TPST2: variants seen among roughly 807,000 people sequenced by gnomAD.
TPST2 encodes protein-tyrosine sulfotransferase 2.
In TPST2, 16 loss-of-function variants were observed where a neutral mutation model predicts 27.8. The observed-to-expected ratio is 0.58, with a 90% CI of 0.39 to 0.88. The LOEUF (loss-of-function observed/expected upper bound fraction) is 0.88, where lower values mean the gene tolerates loss of function less well. Among genes scored for constraint, TPST2 ranks in the 40% least tolerant of loss-of-function variants. The pLI is 0.00. For synonymous variants in TPST2, 229 were observed against 231.7 expected (o/e 0.99, Z 0.10); for missense variants, 464 against 543.1 (o/e 0.85, Z 1.45).
At chr22:26,534,936 G>A (rs1925366856) in intron 4 of TPST2, among the ~76,000 whole-genome samples, 1 of 152,122 alleles carries the variant, frequency 6.6e-6, no homozygotes, top group Non-Finnish European at 1.5e-5. Flanking sequence ...AATGTCGGCT[G>A]GTATGTACGT....
rs764321414 is a variant in TPST2 at position 26,541,354 on chromosome 22, C to T, written c.277G>A (p.Glu93Lys). 9 of 1,552,274 alleles carry T rather than the reference C, an allele frequency of 5.8e-6. No homozygotes were observed. Among genetic ancestry groups the T allele is most frequent in the Admixed American group, 1.9e-5 (1 of 53,060 alleles). Residue 93 changes from glutamate to lysine, a missense_variant, in exon 3 of 7, where the codon GAG becomes AAG. Physicochemically the swap from Glu to Lys is moderately conservative, Grantham distance 56. Coordinates refer to ENST00000338754, the MANE Select transcript of TPST2 (RefSeq NM_003595.5). The surrounding 1 kb of genome is among the most constrained non-coding windows in gnomAD (Gnocchi z 5.9). ...LMRAMLDAHP[E>K]VRCGEETRII... Reference sequence around the variant, plus strand: ...CGGGTCTCCTCGCCGCAGCGCACCTCGGGGTGCGCGTCCAGCATGGCGCGC... The same window carrying T: ...CGGGTCTCCTCGCCGCAGCGCACCTTGGGGTGCGCGTCCAGCATGGCGCGC...
intron 1 of TPST2, among the ~76,000 whole-genome samples, chr22:26,550,086 G>A (rs1032368553): frequency 6.6e-6 from 1 of 151,896 alleles, no homozygotes; most frequent in South Asian, 2.1e-4. Flanking sequence ...GACCATGGGA[G>A]GAAACTTTGC....
At chr22:26,543,191 T>C (rs1925955016) in intron 2 of TPST2, 3 of 152,190 alleles carry the variant, frequency 2.0e-5, no homozygotes, top group African/African-American at 4.8e-5. Flanking sequence ...TCTCTGTGCA[T>C]TGGATAATTT....
chr22:26,587,036 T>G (rs1016785251), intron 1 of TPST2, among the ~76,000 whole-genome samples: 1 of 152,118 alleles, frequency 6.6e-6, no homozygotes, highest in Non-Finnish European at 1.5e-5. Flanking sequence ...GCAACTCACA[T>G]AGGACACTCC....
chr22:26,539,510 C>A (rs1417208664), intron 3 of TPST2, among the ~76,000 whole-genome samples: 1 of 151,778 alleles, frequency 6.6e-6, no homozygotes. Flanking sequence ...GGCCTGTAAT[C>A]CCAGCACTTT....
rs372957086 is a variant in TPST2, at chr22:26,532,765, A to G, written c.1042-20T>C. 116 of 1,610,790 alleles carry G rather than the reference A, an allele frequency of 7.2e-5. No individual in the cohort carries two copies. Among genetic ancestry groups the G allele is most frequent in the Non-Finnish European group, 9.4e-5 (111 of 1,178,736 alleles). On this transcript the variant is annotated intron_variant, in intron 4 of 6. Coordinates refer to ENST00000338754, the MANE Select transcript of TPST2 (RefSeq NM_003595.5). ...CAAGACCTAAGGAAGAGAAAAAGAA[A>G]TATCACTATTATGAAAATGGCCAAA...
intron 1 of TPST2, among the ~76,000 whole-genome samples, chr22:26,570,108 T>C: frequency 6.6e-6 from 1 of 151,800 alleles, no homozygotes; most frequent in Admixed American, 6.6e-5. Context: ...AAAAAATTAA[T>C]TAATCACACT....
chr22:26,569,648 T>TA (rs1034169365), intron 1 of TPST2, among the ~76,000 whole-genome samples: 12 of 136,076 alleles, frequency 8.8e-5, no homozygotes, highest in East Asian at 2.2e-4. Flanking sequence ...CTTTGTCTCC[T>TA]AAAAAAAAAG....
chr22:26,528,414 G>GCGT, intron 5 of TPST2, 152 bp from the exon 6 acceptor site: 1 of 1,028,742 alleles, frequency 9.7e-7, no homozygotes, highest in South Asian at 1.5e-5. Context: ...TGCTGGGATA[G>GCGT]CGTGGTGAGC....
In TPST2 at chr22:26,541,951, G is replaced by A. The variant is rs1457845743; in HGVS notation, c.-88-233C>T. ...TTCCCAGGCTGCTCTTGAACTCGTG[G>A]GCCTGGGTGATCCTCCTACCTGTCT... is the stretch of plus-strand genomic sequence containing the variant. On this transcript the variant is annotated intron_variant, in intron 2 of 6. Coordinates refer to ENST00000338754, the MANE Select transcript of TPST2 (RefSeq NM_003595.5). The surrounding 1 kb of genome is among the most constrained non-coding windows in gnomAD (Gnocchi z 5.9). Among the ~76,000 whole-genome samples, 1 of 151,948 alleles carries A rather than the reference G, an allele frequency of 6.6e-6. No individual in the cohort carries two copies. The highest frequency in any genetic ancestry group is 1.5e-5 in the Non-Finnish European group (1 of 67,964).
chr22:26,563,833 G>T (rs537434070), intron 1 of TPST2, among the ~76,000 whole-genome samples: 1 of 152,316 alleles, frequency 6.6e-6, no homozygotes, highest in East Asian at 1.9e-4. Context: ...GGCCACCTGG[G>T]AGGCTGCTAG....
At chr22:26,581,391 C>T (rs1160327069) in intron 1 of TPST2, among the ~76,000 whole-genome samples, 1 of 152,208 alleles carries the variant, frequency 6.6e-6, no homozygotes, top group Admixed American at 6.5e-5. Flanking sequence ...GGTCCCCAAA[C>T]TTCCAGCACA....
chr22:26,566,217 G>A (rs570956903), intron 1 of TPST2, among the ~76,000 whole-genome samples: 1 of 152,132 alleles, frequency 6.6e-6, no homozygotes, highest in African/African-American at 2.4e-5. Context: ...AGGAGTTAGA[G>A]ACCAGCCTGG....
In TPST2 at chr22:26,568,348, C is replaced by T. The variant is rs1927458912; in HGVS notation, c.-161+21705G>A. ...CACTGGAACCACAGCAACTCCATCT[C>T]TCCAGTACGGGCTGGGTAAATGAGG... On this transcript the variant is annotated intron_variant, in intron 1 of 6. Coordinates refer to ENST00000338754, the MANE Select transcript of TPST2 (RefSeq NM_003595.5). Among the ~76,000 whole-genome samples the T allele has an allele frequency of 3.3e-5, 5 of 152,218 alleles. No homozygotes were observed. In the South Asian group the frequency reaches 1.0e-3, roughly 31 times the overall value.
At chr22:26,556,477 T>C (rs1318672350) in intron 1 of TPST2, among the ~76,000 whole-genome samples, 2 of 152,058 alleles carry the variant, frequency 1.3e-5, no homozygotes, top group African/African-American at 4.8e-5. Context: ...GAGGCAGAGG[T>C]TGCAGTGAGC....
chr22:26,572,644 C>T (rs970065517), intron 1 of TPST2, among the ~76,000 whole-genome samples: 5 of 152,108 alleles, frequency 3.3e-5, no homozygotes, highest in South Asian at 2.1e-4. Context: ...AGATTAAGCT[C>T]TACCCTCCTA....
chr22:26,532,870 A>C, intron 4 of TPST2, 125 bp from the exon 5 acceptor site: 3 of 794,788 alleles, frequency 3.8e-6, no homozygotes, highest in Non-Finnish European at 6.3e-6. Flanking sequence ...CATCCAACAA[A>C]CATTGCTTAA....
chr22:26,550,186 C>A (rs1037866141), intron 1 of TPST2, among the ~76,000 whole-genome samples: 6 of 152,136 alleles, frequency 3.9e-5, no homozygotes, highest in African/African-American at 1.2e-4. Context: ...ATTCATTCCA[C>A]CAATGTTTAC....
intron 1 of TPST2, among the ~76,000 whole-genome samples, chr22:26,582,669 C>T (rs920167183): frequency 2.0e-5 from 3 of 152,144 alleles, no homozygotes; most frequent in Non-Finnish European, 4.4e-5. Context: ...GTTGAGGGTT[C>T]TCATGTGTCC....
Sources: gnomAD v4.1 joint callset for allele counts (sites outside exome capture counted in the v4.1 genomes callset) on GRCh38, gnomAD v4.1.1 for gene constraint, Gnocchi (gnomAD v3.1) non-coding constraint, MANE v1.5 for transcripts, NCBI Gene and HGNC (gene_info 2026-07-23, HGNC 2026-07-21) for gene names.